Variants in NCOR2 observed in about 807,000 individuals in gnomAD.
NCOR2 encodes CTG repeat protein 26.
A neutral mutation model predicts 262.9 loss-of-function variants in NCOR2; 81 were observed. The ratio of observed to expected loss-of-function variants is 0.31; its 90% CI spans 0.26 to 0.37. The LOEUF is 0.37. Among genes scored for constraint, NCOR2 ranks in the 10% least tolerant of loss-of-function variants. NCOR2 has a pLI of 1.00. For synonymous variants in NCOR2, 1,659 were observed against 1,559.3 expected (o/e 1.06, Z -1.51); for missense variants, 3,385 against 3,621.4 (o/e 0.93, Z 1.68).
At chr12:124,326,258 C>A in exon 46 of NCOR2, 3 of 1,559,662 alleles carry the variant, frequency 1.9e-6, no homozygotes, top group Non-Finnish European at 2.6e-6. Flanking sequence ...AGTCTCCCTC[C>A]GAGTGCACTG....
chr12:124,329,072 A>G (rs2034947861), intron 44 of NCOR2: 1 of 469,104 alleles, frequency 2.1e-6, no homozygotes, highest in Admixed American at 2.4e-5. Context: ...CTCCAGGCTT[A>G]ACGATCTCCA....
chr12:124,516,060 A>C (rs1250640455), intron 1 of NCOR2, among the ~76,000 whole-genome samples: 1 of 150,596 alleles, frequency 6.6e-6, no homozygotes, highest in Non-Finnish European at 1.5e-5. Context: ...ATGGATGAGA[A>C]CCCCCCCGCC....
At chr12:124,383,688 TCA>T (rs1277643682) in intron 17 of NCOR2, among the ~76,000 whole-genome samples, 1 of 152,208 alleles carries the variant, frequency 6.6e-6, no homozygotes, top group African/African-American at 2.4e-5. Context: ...TCACAGGTAA[TCA>T]CTCGTTCACT....
chr12:124,546,178 G>A (rs1021939625), intron 1 of NCOR2, among the ~76,000 whole-genome samples: 16 of 152,164 alleles, frequency 1.1e-4, no homozygotes, highest in African/African-American at 3.4e-4. Context: ...TAACCCTTCC[G>A]AGCCTGCCTG....
chr12:124,355,174 C>A, intron 24 of NCOR2: 1 of 613,776 alleles, frequency 1.6e-6, no homozygotes, highest in Non-Finnish European at 2.8e-6. Flanking sequence ...GTGGGGGAAA[C>A]AGGAGGTTAA....
intron 7 of NCOR2, among the ~76,000 whole-genome samples, chr12:124,448,720 C>T (rs372702798): frequency 6.6e-6 from 1 of 151,192 alleles, no homozygotes; most frequent in South Asian, 2.1e-4. Flanking sequence ...GCGATCTCCC[C>T]GTCGACTAGT....
intron 14 of NCOR2, 139 bp from the exon 17 acceptor site, chr12:124,400,812 G>T: frequency 9.1e-7 from 1 of 1,102,594 alleles, no homozygotes; most frequent in Non-Finnish European, 1.3e-6. Context: ...AAGAGGGGGA[G>T]AGGCCTGAGG....
exon 5 of NCOR2, chr12:124,466,200 C>T (rs773111080): frequency 5.6e-6 from 9 of 1,610,368 alleles, no homozygotes; most frequent in African/African-American, 1.3e-5. Flanking sequence ...TGATCTGCAC[C>T]AGGCTGCGGT....
Position 124,509,249 on chromosome 12 carries a change from G to GGGGGC in NCOR2, c.-117-13882_-117-13881insGCCCC, listed in dbSNP as rs77999680. 3.9e-4 allele frequency among the ~76,000 whole-genome samples: 57 copies of GGGGGC among 145,950 alleles called. 5 individuals are homozygous for GGGGGC. Among genetic ancestry groups the GGGGGC allele is most frequent in the African/African-American group, 1.5e-3 (56 of 37,310 alleles). ...ACTGGCTTTGGTGGGGGGGGGGGGG[G>GGGGGC]CTTAACTCTGAACTCTCAAGCTGAG... is the stretch of plus-strand genomic sequence containing the variant. On this transcript the variant is annotated intron_variant, in intron 1 of 46. Transcript: ENST00000404621.
At chr12:124,447,206 C>T (rs1342479466) in intron 7 of NCOR2, among the ~76,000 whole-genome samples, 1 of 152,226 alleles carries the variant, frequency 6.6e-6, no homozygotes, top group Non-Finnish European at 1.5e-5. Flanking sequence ...TGAGCCACCG[C>T]GCCCAGCACA....
chr12:124,565,102 G>A (rs975265009), intron 1 of NCOR2, among the ~76,000 whole-genome samples: 1 of 152,110 alleles, frequency 6.6e-6, no homozygotes, highest in African/African-American at 2.4e-5. Context: ...AGGGGGAGGG[G>A]GAGAGCGCAG....
At chr12:124,487,673 C>G (rs1018135974) in intron 1 of NCOR2, among the ~76,000 whole-genome samples, 3 of 152,264 alleles carry the variant, frequency 2.0e-5, no homozygotes, top group African/African-American at 7.2e-5. Flanking sequence ...TGGCGCTGAG[C>G]CTGGTCTCTC....
intron 17 of NCOR2, 152 bp downstream of exon 19, chr12:124,385,593 G>A (rs1224655340): frequency 1.0e-5 from 12 of 1,195,342 alleles, no homozygotes; most frequent in East Asian, 9.6e-5. Context: ...GGGTACTCCC[G>A]GGCTTGAACC....
chr12:124,368,920 A>G (rs1299771184), intron 20 of NCOR2, among the ~76,000 whole-genome samples: 1 of 152,248 alleles, frequency 6.6e-6, no homozygotes, highest in Non-Finnish European at 1.5e-5. Flanking sequence ...ATAAAGTAAC[A>G]AAGGTGAAAT....
intron 5 of NCOR2, among the ~76,000 whole-genome samples, chr12:124,463,751 G>T (rs1173786423): frequency 6.6e-6 from 1 of 152,228 alleles, no homozygotes; most frequent in Non-Finnish European, 1.5e-5. Flanking sequence ...TCCTGCCAAA[G>T]GCGGCTGGGG....
chr12:124,378,523 A>G lies in NCOR2; in HGVS notation c.2020-139T>C. 3.6e-6 allele frequency: 3 copies of G among 838,048 alleles called. No individual in the cohort carries two copies. The highest frequency in any genetic ancestry group is 5.4e-6 in the Non-Finnish European group (3 of 560,574). 51.9% of individuals were successfully genotyped at this position (838,048 alleles called of 1,614,324 possible). A position where few individuals can be genotyped will look rare whatever the true frequency, so the allele number is the denominator to read the frequency against. ...CAATGAGGGTGACCGTCCCCCTCACACCCCACCTCGGCAGCCAAGCGTGCC... is the reference window on the plus strand; with the variant it reads ...CAATGAGGGTGACCGTCCCCCTCACGCCCCACCTCGGCAGCCAAGCGTGCC... On this transcript the variant is annotated intron_variant, in intron 17 of 46. Coordinates refer to ENST00000405201, the Ensembl canonical transcript of NCOR2. The surrounding 1 kb of genome is among the most constrained non-coding windows in gnomAD (Gnocchi z 4.2).
exon 22 of NCOR2, chr12:124,362,171 G>T (rs1286322259): frequency 3.8e-6 from 5 of 1,308,270 alleles, no homozygotes; most frequent in Non-Finnish European, 4.9e-6. Flanking sequence ...TTGCCCCGGG[G>T]GCTGCTGCCA....
At chr12:124,379,583 G>A (rs1004513936) in intron 17 of NCOR2, among the ~76,000 whole-genome samples, 11 of 152,174 alleles carry the variant, frequency 7.2e-5, no homozygotes, top group Admixed American at 6.5e-5. Context: ...ACGGGGGGGC[G>A]GCAGCCTGAT....
intron 1 of NCOR2, among the ~76,000 whole-genome samples, chr12:124,551,702 C>G (rs2051718962): frequency 6.6e-6 from 1 of 152,200 alleles, no homozygotes; most frequent in Non-Finnish European, 1.5e-5. Flanking sequence ...CCCAGGAGAA[C>G]CTCTCCCCAC....
Sources: gnomAD v4.1 joint callset for allele counts (sites outside exome capture counted in the v4.1 genomes callset) on GRCh38, gnomAD v4.1.1 for gene constraint, Gnocchi (gnomAD v3.1) non-coding constraint, MANE v1.5 for transcripts, NCBI Gene and HGNC (gene_info 2026-07-23, HGNC 2026-07-21) for gene names.